Variants in USP34 observed in about 807,000 individuals in gnomAD.
USP34 encodes ubiquitin carboxyl-terminal hydrolase 34.
Under a neutral mutation model 460.3 loss-of-function variants are expected in USP34, and 70 were observed. The ratio of observed to expected loss-of-function variants is 0.15; its 90% CI spans 0.13 to 0.19. USP34 has a LOEUF of 0.19. Ranked by LOEUF, USP34 falls within the 10% of genes least tolerant of loss-of-function variation. The pLI is 1.00. For missense variants in USP34, 3,985 were observed against 4,236.2 expected (o/e 0.94, Z 1.65); for synonymous variants, 1,647 against 1,405.3 (o/e 1.17, Z -3.85).
At chr2:61,234,504 G>A (rs941036659) in intron 57 of USP34, among the ~76,000 whole-genome samples, 3 of 152,132 alleles carry the variant, frequency 2.0e-5, no homozygotes, top group Admixed American at 6.5e-5. Context: ...TTTTTTTGGC[G>A]GGGAGAGTGG....
chr2:61,241,439 T>C (rs997917090), intron 53 of USP34, 121 bp downstream of exon 53: 7 of 628,904 alleles, frequency 1.1e-5, no homozygotes, highest in African/African-American at 9.6e-5. Flanking sequence ...TTGTAAATAC[T>C]CTTAAGATCT....
At chr2:61,348,690 A>G (rs929960907) in intron 14 of USP34, 66 bp downstream of exon 14, 37 of 1,549,334 alleles carry the variant, frequency 2.4e-5, no homozygotes, top group African/African-American at 6.9e-5. Context: ...TATATACCCA[A>G]TTCAAATGAT....
chr2:61,376,252 G>A (rs895839397), intron 8 of USP34, among the ~76,000 whole-genome samples: 33 of 150,716 alleles, frequency 2.2e-4, no homozygotes, highest in African/African-American at 8.2e-4. Flanking sequence ...ATTCACAGCC[G>A]CCAACAATAT....
chr2:61,449,894 C>G (rs1021780923), intron 1 of USP34, among the ~76,000 whole-genome samples: 2 of 151,880 alleles, frequency 1.3e-5, no homozygotes, highest in Admixed American at 6.6e-5. Context: ...GGTGAAACCC[C>G]GTCTCTACTA....
intron 27 of USP34, among the ~76,000 whole-genome samples, chr2:61,302,364 A>C (rs189093527): frequency 6.6e-6 from 1 of 152,372 alleles, no homozygotes; most frequent in East Asian, 1.9e-4. Flanking sequence ...TTTGTGGAAA[A>C]ATATTTCAAA....
intron 41 of USP34, among the ~76,000 whole-genome samples, chr2:61,268,560 C>A (rs1248527641): frequency 6.7e-6 from 1 of 148,808 alleles, no homozygotes; most frequent in African/African-American, 2.5e-5. Context: ...GAGTCCTCAA[C>A]AAATAAACCT....
intron 75 of USP34, among the ~76,000 whole-genome samples, chr2:61,199,296 C>T (rs961829448): frequency 9.2e-5 from 14 of 152,122 alleles, no homozygotes; most frequent in African/African-American, 2.4e-4. Flanking sequence ...ACTCTTGTCA[C>T]CCAGACTGGA....
At chr2:61,313,396 G>A (rs1690653798) in intron 25 of USP34, among the ~76,000 whole-genome samples, 1 of 152,056 alleles carries the variant, frequency 6.6e-6, no homozygotes, top group South Asian at 2.1e-4. Context: ...TGCTGTGCAA[G>A]GACTAAGGGT....
chr2:61,239,555 T>G (rs1414512248), intron 53 of USP34, among the ~76,000 whole-genome samples: 1 of 152,164 alleles, frequency 6.6e-6, no homozygotes, highest in Non-Finnish European at 1.5e-5. Flanking sequence ...GTGGTTATGA[T>G]GATGATTGAG....
chr2:61,422,949 G>GA (rs1223579466), intron 1 of USP34, among the ~76,000 whole-genome samples: 1 of 152,006 alleles, frequency 6.6e-6, no homozygotes, highest in Non-Finnish European at 1.5e-5. Context: ...GAAGTGAGCC[G>GA]AAAAAAATCA....
chr2:61,467,583 A>G (rs1192664628), intron 1 of USP34, among the ~76,000 whole-genome samples: 5 of 149,152 alleles, frequency 3.4e-5, no homozygotes, highest in Non-Finnish European at 7.4e-5. Flanking sequence ...TTTAAAGATG[A>G]ATTCTGAGCA....
Position 61,344,044 on chromosome 2 carries a change from A to G in USP34, c.2286-15T>C, listed in dbSNP as rs1284038298. 4 of 1,609,088 alleles carry G rather than the reference A, an allele frequency of 2.5e-6. No individual in the cohort carries two copies. The highest frequency in any genetic ancestry group is 3.4e-6 in the Non-Finnish European group (4 of 1,176,396). Reference sequence around the variant, plus strand: ...CAACCATATGCCTACAAAACAGAGAAAAGCACAAAGTTAGTAATTACGAAT... The same window carrying G: ...CAACCATATGCCTACAAAACAGAGAGAAGCACAAAGTTAGTAATTACGAAT... On this transcript the variant is annotated splice_polypyrimidine_tract_variant and intron_variant, in intron 15 of 79. Transcript: ENST00000398571.
intron 48 of USP34, among the ~76,000 whole-genome samples, chr2:61,251,292 C>T (rs1020913677): frequency 6.6e-6 from 1 of 152,030 alleles, no homozygotes; most frequent in Non-Finnish European, 1.5e-5. Flanking sequence ...TAACTTAATT[C>T]AGCTAAAAAA....
At chr2:61,455,448 G>A (rs1310775367) in intron 1 of USP34, among the ~76,000 whole-genome samples, 3 of 152,098 alleles carry the variant, frequency 2.0e-5, no homozygotes, top group Non-Finnish European at 2.9e-5. Flanking sequence ...AAAGTGCTAG[G>A]ATTACAGGGT....
chr2:61,305,384 T>A (rs1183815750), intron 27 of USP34, among the ~76,000 whole-genome samples: 1 of 151,418 alleles, frequency 6.6e-6, no homozygotes, highest in East Asian at 1.9e-4. Context: ...ACCAACAAAG[T>A]ATGCAAGATG....
Position 61,459,662 on chromosome 2 carries a change from AG to A in USP34, c.43+10987del, listed in dbSNP as rs552281939. Among the ~76,000 whole-genome samples, 79 of 151,998 alleles carry A rather than the reference AG, an allele frequency of 5.2e-4. 2 individuals are homozygous for A. In the East Asian group the frequency reaches 0.015, roughly 29 times the overall value. On this transcript the variant is annotated intron_variant, in intron 1 of 79. Coordinates refer to ENST00000398571, the MANE Select transcript of USP34 (RefSeq NM_014709.4). ...CGTGGTGGCAGGCACCTGTAATCCC[AG>A]CTACTCAGGAGGCTGAGGCAGGAGA...
chr2:61,417,699 T>G (rs895617689), intron 2 of USP34, among the ~76,000 whole-genome samples: 1 of 149,734 alleles, frequency 6.7e-6, no homozygotes, highest in Non-Finnish European at 1.5e-5. Flanking sequence ...AGAAAAAATA[T>G]ATATATAAAA....
intron 20 of USP34, among the ~76,000 whole-genome samples, chr2:61,329,401 A>G (rs1691193457): frequency 6.6e-6 from 1 of 152,162 alleles, no homozygotes; most frequent in African/African-American, 2.4e-5. Flanking sequence ...CTCTGCTTCA[A>G]TAGGAAAAAA....
chr2:61,436,554 CAACATAATT>C (rs1347866566), intron 1 of USP34, among the ~76,000 whole-genome samples: 1 of 152,156 alleles, frequency 6.6e-6, no homozygotes, highest in Non-Finnish European at 1.5e-5. Context: ...CCCAGATATA[CAACATAATT>C]AGATCTAACG....
Sources: allele counts gnomAD v4.1 joint callset (sites outside exome capture counted in the v4.1 genomes callset), GRCh38; gene constraint gnomAD v4.1.1; transcripts MANE v1.5; gene names NCBI Gene and HGNC (gene_info 2026-07-23, HGNC 2026-07-21).